CAMK2B: variants seen among roughly 807,000 people sequenced by gnomAD.
CAMK2B encodes calcium/calmodulin dependent protein kinase II beta.
Under a neutral mutation model 93.7 loss-of-function variants are expected in CAMK2B, and 27 were observed. The ratio of observed to expected loss-of-function variants is 0.29; its 90% CI spans 0.21 to 0.40. CAMK2B has a LOEUF of 0.40. Ranked by LOEUF, CAMK2B falls within the 10% of genes least tolerant of loss-of-function variation. The pLI is 1.00. For synonymous variants in CAMK2B, 374 were observed against 358.8 expected (o/e 1.04, Z -0.48); for missense variants, 568 against 895.8 (o/e 0.63, Z 4.67).
chr7:44,245,221 C>A (rs940091284), intron 6 of CAMK2B, among the ~76,000 whole-genome samples: 1 of 152,098 alleles, frequency 6.6e-6, no homozygotes, highest in African/African-American at 2.4e-5. Context: ...CTGTGCCCAC[C>A]CCTGCTAGGC....
chr7:44,256,934 AG>A (rs1301200266), intron 4 of CAMK2B, among the ~76,000 whole-genome samples: 2 of 152,324 alleles, frequency 1.3e-5, no homozygotes, highest in African/African-American at 2.4e-5. Context: ...GTGCTGGCCC[AG>A]GAGGGACACA....
intron 1 of CAMK2B, among the ~76,000 whole-genome samples, chr7:44,300,054 GTGTGTA>G (rs1236777922): frequency 1.3e-5 from 2 of 151,264 alleles, no homozygotes; most frequent in African/African-American, 4.9e-5. Flanking sequence ...GTGTGTGTGT[GTGTGTA>G]TGTAGTTGTT....
rs562541175 is a variant in CAMK2B, at chr7:44,288,658, T to G, written c.66-4433A>C. Reference sequence around the variant, plus strand: ...CTAATTAAAACAAGAAAATACTCTTTGAGTCCTTGCTTTGTGGAAGGCTCT... The same window carrying G: ...CTAATTAAAACAAGAAAATACTCTTGGAGTCCTTGCTTTGTGGAAGGCTCT... On this transcript the variant is annotated intron_variant, in intron 1 of 23. Coordinates refer to ENST00000395749, the MANE Select transcript of CAMK2B (RefSeq NM_001220.5). Among the ~76,000 whole-genome samples the G allele has an allele frequency of 9.8e-5, 15 of 152,312 alleles. No homozygotes were observed. In the South Asian group the frequency reaches 3.1e-3, roughly 32 times the overall value.
At chr7:44,250,162 C>T (rs993834158) in intron 5 of CAMK2B, among the ~76,000 whole-genome samples, 2 of 152,226 alleles carry the variant, frequency 1.3e-5, no homozygotes, top group Admixed American at 1.3e-4. Flanking sequence ...GATGGGACAA[C>T]CACCTGGCCT....
intron 1 of CAMK2B, among the ~76,000 whole-genome samples, chr7:44,321,191 T>G (rs1795981253): frequency 6.6e-6 from 1 of 152,230 alleles, no homozygotes; most frequent in Non-Finnish European, 1.5e-5. Context: ...ACTCAAAAAT[T>G]GATTCGCTCT....
At chr7:44,249,776 G>T (rs2096762934) in intron 5 of CAMK2B, among the ~76,000 whole-genome samples, 1 of 152,106 alleles carries the variant, frequency 6.6e-6, no homozygotes, top group South Asian at 2.1e-4. Context: ...CCTTCTTTCA[G>T]CCTCAGACTT....
Position 44,292,682 on chromosome 7 carries a change from C to T in CAMK2B, c.66-8457G>A, listed in dbSNP as rs1584694171. Among the ~76,000 whole-genome samples the T allele has an allele frequency of 2.0e-5, 3 of 152,164 alleles. No individual in the cohort carries two copies. In the South Asian group the frequency reaches 6.2e-4, roughly 32 times the overall value. ...AAGGGAGTATGAGGTGCATCCTTTT[C>T]TTAACCTATTTGACCATAGAAATCT... On this transcript the variant is annotated intron_variant, in intron 1 of 23. Transcript: ENST00000395749.
intron 1 of CAMK2B, among the ~76,000 whole-genome samples, chr7:44,290,011 T>TGCAG (rs1309073830): frequency 6.6e-6 from 1 of 152,222 alleles, no homozygotes; most frequent in African/African-American, 2.4e-5. Context: ...GCATCAGTCC[T>TGCAG]GAGCCTCACC....
chr7:44,226,615 C>T lies in CAMK2B; in HGVS notation c.1498G>A (p.Val500Met), dbSNP rs768106630. ...TCTGGGGTCCCTGAGCCCCTCCTCACAGAGTTCAGGATGTCAGAGATCCTG... is the reference window on the plus strand; with the variant it reads ...TCTGGGGTCCCTGAGCCCCTCCTCATAGAGTTCAGGATGTCAGAGATCCTG... ...SPRISDILNS[V>M]RRGSGTPEAE... The change falls in exon 20 of 24, where the codon GTG (valine) becomes ATG (methionine). Residue 500 changes from valine (V) to methionine (M), a missense_variant. Val to Met is a conservative substitution (Grantham distance 21). Transcript: ENST00000395749. 3.9e-6 allele frequency: 6 copies of T among 1,528,486 alleles called. No individual in the cohort carries two copies. In the South Asian group the frequency reaches 7.7e-5, roughly 20 times the overall value. 94.7% of individuals were successfully genotyped at this position (1,528,486 alleles called of 1,614,324 possible). A position where few individuals can be genotyped will look rare whatever the true frequency, so the allele number is the denominator to read the frequency against.
chr7:44,261,899 G>T (rs2096881897), intron 3 of CAMK2B, among the ~76,000 whole-genome samples: 1 of 152,246 alleles, frequency 6.6e-6, no homozygotes, highest in Non-Finnish European at 1.5e-5. Flanking sequence ...GCAGTGGGTT[G>T]GTGGGCAGCG....
intron 20 of CAMK2B, among the ~76,000 whole-genome samples, chr7:44,223,648 G>C (rs1208001313): frequency 2.7e-5 from 4 of 147,520 alleles, no homozygotes; most frequent in African/African-American, 1.0e-4. Flanking sequence ...CCTGGCACCT[G>C]CCTCTCCCCT....
intron 4 of CAMK2B, among the ~76,000 whole-genome samples, chr7:44,257,222 A>G (rs2096841573): frequency 6.6e-6 from 1 of 152,078 alleles, no homozygotes. Flanking sequence ...AGCCAACTCC[A>G]GAAACTGCTG....
intron 19 of CAMK2B, among the ~76,000 whole-genome samples, chr7:44,227,806 G>GGAGGGTGTGGGGGACACA: frequency 8.1e-6 from 1 of 123,422 alleles, no homozygotes; most frequent in Middle Eastern, 3.5e-3. Flanking sequence ...GGGGGACAGA[G>GGAGGGTGTGGGGGACACA]GGAGAATGTG....
rs1172768844 is a variant in CAMK2B at position 44,242,409 on chromosome 7, G to T, written c.697-69C>A. ...TCAGGCAGGGGCAAGAATTCTCCAA[G>T]GGGCTTCATCTCCAGCCACGAATCT... On this transcript the variant is annotated intron_variant, in intron 9 of 23. Coordinates refer to ENST00000395749, the MANE Select transcript of CAMK2B (RefSeq NM_001220.5). 3 of 1,578,134 alleles carry T rather than the reference G, an allele frequency of 1.9e-6. No individual in the cohort carries two copies. The East Asian group carries it at 6.7e-5, about 35-fold the overall frequency.
chr7:44,320,784 G>A (rs545696281), intron 1 of CAMK2B, among the ~76,000 whole-genome samples: 31 of 152,316 alleles, frequency 2.0e-4, no homozygotes, highest in Middle Eastern at 3.4e-3. Flanking sequence ...GGCCTCCTGG[G>A]AGCCAGGCCG....
intron 1 of CAMK2B, among the ~76,000 whole-genome samples, chr7:44,296,194 T>C (rs1234645954): frequency 1.3e-5 from 2 of 152,218 alleles, no homozygotes; most frequent in African/African-American, 4.8e-5. Flanking sequence ...GTAATTCCCA[T>C]GCTAAAGGCT....
intron 2 of CAMK2B, among the ~76,000 whole-genome samples, chr7:44,272,687 G>A (rs2096986010): frequency 6.6e-6 from 1 of 152,214 alleles, no homozygotes; most frequent in African/African-American, 2.4e-5. Context: ...CTATTTGCCA[G>A]CCATATGGGG....
chr7:44,253,749 C>T lies in CAMK2B; in HGVS notation c.341+793G>A, dbSNP rs570623206. 5.3e-4 allele frequency among the ~76,000 whole-genome samples: 80 copies of T among 152,198 alleles called. 1 individual carries two copies. The highest frequency in any genetic ancestry group is 3.2e-3 in the Admixed American group (49 of 15,288). On this transcript the variant is annotated intron_variant, in intron 5 of 23. Transcript: ENST00000395749. The stretch of plus-strand genomic sequence containing the variant: ...AGTGGCTGATGTGCATGTGTGCCAC[C>T]ATGCCTGGCTACTTTTTTTTAAGTT...
chr7:44,223,839 C>A (rs2096442463), intron 20 of CAMK2B, among the ~76,000 whole-genome samples: 1 of 152,172 alleles, frequency 6.6e-6, no homozygotes, highest in Non-Finnish European at 1.5e-5. Context: ...CCAAACACCT[C>A]CTGTCACTTA....
Sources: allele counts gnomAD v4.1 joint callset (sites outside exome capture counted in the v4.1 genomes callset), GRCh38; gene constraint gnomAD v4.1.1; transcripts MANE v1.5; gene names NCBI Gene and HGNC (gene_info 2026-07-23, HGNC 2026-07-21).